The following PHF21A variants were observed in gnomAD, a reference collection of about 807,000 sequenced individuals.
The protein encoded by PHF21A is BHC80a.
Under a neutral mutation model 82.5 loss-of-function variants are expected in PHF21A, and 11 were observed. That is an observed-to-expected ratio of 0.13 (90% CI 0.08 to 0.22). The LOEUF is 0.22. Ranked by LOEUF, PHF21A falls within the 10% of genes least tolerant of loss-of-function variation. The pLI is 1.00. For synonymous variants in PHF21A, 297 were observed against 302.8 expected (o/e 0.98, Z 0.20); for missense variants, 579 against 837.8 (o/e 0.69, Z 3.81).
chr11:46,021,249 T>TG (rs1031215916), intron 6 of PHF21A, among the ~76,000 whole-genome samples: 2 of 152,044 alleles, frequency 1.3e-5, no homozygotes, highest in Admixed American at 6.6e-5. Context: ...TTTGTAGAGA[T>TG]GGGGGTCTCA....
intron 1 of PHF21A, among the ~76,000 whole-genome samples, chr11:46,115,535 C>T (rs978115470): frequency 2.0e-5 from 3 of 151,992 alleles, no homozygotes; most frequent in Admixed American, 1.3e-4. Context: ...TTTAAAAAAT[C>T]GCAAAGCAGC....
At chr11:46,076,732 C>T (rs1486232976) in intron 6 of PHF21A, 22 bp downstream of exon 6, 4 of 1,580,478 alleles carry the variant, frequency 2.5e-6, no homozygotes, top group Admixed American at 3.4e-5. Context: ...TAAAAATATG[C>T]CCCCCTCCCC....
chr11:46,066,735 T>C (rs1592731371), intron 6 of PHF21A, among the ~76,000 whole-genome samples: 1 of 151,988 alleles, frequency 6.6e-6, no homozygotes, highest in African/African-American at 2.4e-5. Flanking sequence ...AATAAATAAA[T>C]TTAAATAACA....
intron 6 of PHF21A, among the ~76,000 whole-genome samples, chr11:46,013,845 G>GA (rs1213830751): frequency 6.6e-6 from 1 of 152,090 alleles, no homozygotes; most frequent in East Asian, 1.9e-4. Flanking sequence ...TACGAAAGAT[G>GA]AAAAACGGTA....
Position 45,971,299 on chromosome 11 carries a change from C to G in PHF21A, c.429G>C (p.Ala143=). Residue 143 remains alanine (A), a synonymous_variant, in exon 8 of 19, where the codon GCG becomes GCC. Transcript: ENST00000676320. ...GGCCCACCACAGAGGCAGGCATGGT[C>G]GCAGTTGCTGCTTTCAAGACGAGAG... ...TLPLVLKAAT[A]TMPASVVGQR... The G allele has an allele frequency of 6.2e-7, 1 of 1,614,080 alleles. No individual in the cohort carries two copies.
intron 10 of PHF21A, among the ~76,000 whole-genome samples, chr11:45,957,989 A>C (rs1465800620): frequency 6.6e-6 from 1 of 152,062 alleles, no homozygotes; most frequent in Admixed American, 6.6e-5. Context: ...TATATTGAAA[A>C]ACTGTACGCC....
At chr11:45,978,562 C>A (rs1440415314) in intron 7 of PHF21A, among the ~76,000 whole-genome samples, 14 of 152,192 alleles carry the variant, frequency 9.2e-5, no homozygotes, top group Admixed American at 9.2e-4. Context: ...CTTTTTCTCT[C>A]TATATAAAGA....
At chr11:46,112,251 C>A (rs1213424280) in intron 1 of PHF21A, among the ~76,000 whole-genome samples, 1 of 152,010 alleles carries the variant, frequency 6.6e-6, no homozygotes, top group Non-Finnish European at 1.5e-5. Flanking sequence ...TACCATAAGC[C>A]AAAAATCTCA....
At chr11:46,101,677 G>C (rs1241590486) in intron 1 of PHF21A, among the ~76,000 whole-genome samples, 1 of 152,130 alleles carries the variant, frequency 6.6e-6, no homozygotes, top group African/African-American at 2.4e-5. Flanking sequence ...TTGTTGCCCA[G>C]GCTGGAGTGC....
chr11:45,966,173 A>G (rs1210390557), intron 9 of PHF21A, among the ~76,000 whole-genome samples: 4 of 117,986 alleles, frequency 3.4e-5, no homozygotes, highest in African/African-American at 9.3e-5. Context: ...CATGGCTTCA[A>G]TTACCATCTA....
intron 6 of PHF21A, among the ~76,000 whole-genome samples, chr11:46,055,224 A>T (rs2959083): frequency 0.9 from 137,381 of 152,228 alleles, 62,151 homozygotes; most frequent in East Asian, 1. Flanking sequence ...CAAATATAAC[A>T]AAGCAGCAAA....
intron 6 of PHF21A, among the ~76,000 whole-genome samples, chr11:46,027,488 A>G (rs557681610): frequency 1.3e-5 from 2 of 152,294 alleles, no homozygotes; most frequent in African/African-American, 4.8e-5. Flanking sequence ...GGATGGGAAA[A>G]CAGTACTACC....
intron 15 of PHF21A, among the ~76,000 whole-genome samples, chr11:45,944,382 T>C (rs1257269618): frequency 2.6e-5 from 4 of 152,248 alleles, no homozygotes; most frequent in Non-Finnish European, 5.9e-5. Context: ...GTGAAGGATA[T>C]ACATTGGTTC....
intron 6 of PHF21A, chr11:46,026,806 C>T (rs1176636658): frequency 6.6e-6 from 1 of 152,128 alleles, no homozygotes; most frequent in Non-Finnish European, 1.5e-5. Flanking sequence ...TCCCACATGA[C>T]TCACCCACTC....
intron 6 of PHF21A, among the ~76,000 whole-genome samples, chr11:46,034,305 C>T (rs746414312): frequency 7.6e-4 from 109 of 143,638 alleles, no homozygotes; most frequent in Non-Finnish European, 1.3e-3. Flanking sequence ...AGACTAATAA[C>T]CCTTTGTCAC....
At chr11:46,045,039 T>C (rs2096234681) in intron 6 of PHF21A, among the ~76,000 whole-genome samples, 3 of 152,210 alleles carry the variant, frequency 2.0e-5, no homozygotes, top group South Asian at 2.1e-4. Context: ...CCCAACACTT[T>C]TTATGAAAAG....
intron 6 of PHF21A, among the ~76,000 whole-genome samples, chr11:46,046,587 G>A (rs2096260845): frequency 6.6e-6 from 1 of 152,096 alleles, no homozygotes; most frequent in Non-Finnish European, 1.5e-5. Flanking sequence ...TCTCACAGAG[G>A]CCTTTCTAAT....
chr11:46,076,546 G>C (rs1026865768), intron 6 of PHF21A, among the ~76,000 whole-genome samples: 6 of 152,142 alleles, frequency 3.9e-5, no homozygotes, highest in Non-Finnish European at 8.8e-5. Flanking sequence ...GTATTTGCCA[G>C]TAACATATAA....
At chr11:46,002,988 T>C (rs1320721541) in intron 6 of PHF21A, among the ~76,000 whole-genome samples, 5 of 152,160 alleles carry the variant, frequency 3.3e-5, no homozygotes, top group African/African-American at 1.2e-4. Context: ...CTACAGAAAT[T>C]TTTCTAAAGA....
Sources: gnomAD v4.1 joint callset for allele counts (sites outside exome capture counted in the v4.1 genomes callset) on GRCh38, gnomAD v4.1.1 for gene constraint, MANE v1.5 for transcripts, NCBI Gene and HGNC (gene_info 2026-07-23, HGNC 2026-07-21) for gene names.